Variants in STXBP6 observed in about 807,000 individuals in gnomAD.
The protein encoded by STXBP6 is syntaxin binding protein 6.
In STXBP6, 21 loss-of-function variants were observed where a neutral mutation model predicts 26.9. The ratio of observed to expected loss-of-function variants is 0.78; its 90% CI spans 0.55 to 1.12. The LOEUF (loss-of-function observed/expected upper bound fraction) is 1.12. Among genes scored for constraint, STXBP6 ranks in the 50% most tolerant of loss-of-function variants. The pLI, the probability that STXBP6 is intolerant of heterozygous loss-of-function variation, is 0.00. For missense variants in STXBP6, 232 were observed against 257.9 expected (o/e 0.90, Z 0.69); for synonymous variants, 97 against 92.6 (o/e 1.05, Z -0.27).
At chr14:25,048,339 A>G (rs117066378) in intron 1 of STXBP6, among the ~76,000 whole-genome samples, 1 of 152,242 alleles carries the variant, frequency 6.6e-6, no homozygotes, top group Non-Finnish European at 1.5e-5. Flanking sequence ...TCCGTTTGAC[A>G]GAAGAGAAAA....
chr14:24,965,316 T>A (rs1299673051), intron 2 of STXBP6, among the ~76,000 whole-genome samples: 1 of 152,096 alleles, frequency 6.6e-6, no homozygotes, highest in Non-Finnish European at 1.5e-5. Context: ...CTGTCATACA[T>A]ACATATTAAC....
At chr14:24,970,495 G>T (rs2073875423) in intron 2 of STXBP6, among the ~76,000 whole-genome samples, 1 of 151,842 alleles carries the variant, frequency 6.6e-6, no homozygotes, top group Non-Finnish European at 1.5e-5. Flanking sequence ...TGATGCTTCT[G>T]TCTGTTTTTT....
At chr14:24,883,995 TA>T (rs2070475779) in intron 2 of STXBP6, among the ~76,000 whole-genome samples, 1 of 152,176 alleles carries the variant, frequency 6.6e-6, no homozygotes, top group Non-Finnish European at 1.5e-5. Context: ...TCTTTAATAT[TA>T]AAACCCCTCT....
chr14:25,028,507 G>GAA (rs543911795), intron 1 of STXBP6, among the ~76,000 whole-genome samples: 6 of 143,754 alleles, frequency 4.2e-5, no homozygotes, highest in African/African-American at 1.5e-4. Flanking sequence ...TGACTGCTCA[G>GAA]AAAAAAAAAA....
At chr14:24,820,855 T>C (rs1045328433) in intron 4 of STXBP6, among the ~76,000 whole-genome samples, 2 of 152,200 alleles carry the variant, frequency 1.3e-5, no homozygotes, top group Non-Finnish European at 2.9e-5. Flanking sequence ...TCCCAGTGAC[T>C]TTTCCTTATT....
At chr14:25,019,868 G>GTTTTTTTTT (rs35017131) in intron 1 of STXBP6, among the ~76,000 whole-genome samples, 1 of 128,240 alleles carries the variant, frequency 7.8e-6, no homozygotes, top group Non-Finnish European at 1.6e-5. Context: ...AGTTTCGTGG[G>GTTTTTTTTT]TTTTTTTTTT....
rs895545483 is a variant in STXBP6, at chr14:24,961,889, C to A, written c.154+12776G>T. On this transcript the variant is annotated intron_variant, in intron 2 of 5. Transcript: ENST00000323944. ...CTGTGATATAATGTGAAATGTGAAT[C>A]ATTAATTAAATGTACCAACCTAGAA... 8.5e-5 allele frequency among the ~76,000 whole-genome samples: 13 copies of A among 152,268 alleles called. No individual in the cohort carries two copies. The South Asian group carries it at 2.5e-3, about 29-fold the overall frequency.
At chr14:24,815,554 G>C (rs904546684) in intron 5 of STXBP6, 1 of 151,770 alleles carries the variant, frequency 6.6e-6, no homozygotes, top group African/African-American at 2.4e-5. Flanking sequence ...TCCTTAGGTA[G>C]TAAGGATAGA....
rs1282357880 is a variant in STXBP6 at position 25,049,920 on chromosome 14, C to A, written c.-75G>T. The A allele has an allele frequency of 1.0e-6, 1 of 971,628 alleles. No homozygotes were observed. 60.2% of individuals were successfully genotyped at this position (971,628 alleles called of 1,614,324 possible). On this transcript the variant is annotated 5_prime_UTR_variant, in exon 1 of 6. Coordinates refer to ENST00000323944, the MANE Select transcript of STXBP6 (RefSeq NM_001394410.1). This position sits in a 1 kb window ranked among gnomAD's most constrained non-coding sequence, Gnocchi z 5.6. ...GCCCCTGCCGTGCCAGTGCGCGGCA[C>A]GCGTCCCAGAGCACGAGGCTCCTCC...
chr14:24,855,122 C>T (rs2069282062), intron 4 of STXBP6, among the ~76,000 whole-genome samples: 1 of 152,004 alleles, frequency 6.6e-6, no homozygotes, highest in African/African-American at 2.4e-5. Flanking sequence ...ATGGATTCTG[C>T]TGTATGTTCA....
At position 24,862,656 on chromosome 14, in the gene STXBP6, T is replaced by G. The variant is rs1031011883; in HGVS notation, c.155-5499A>C. Among the ~76,000 whole-genome samples the G allele has an allele frequency of 5.3e-5, 8 of 152,296 alleles. 2 individuals carry two copies. Among genetic ancestry groups the G allele is most frequent in the Admixed American group, 3.9e-4 (6 of 15,292 alleles). On this transcript the variant is annotated intron_variant, in intron 2 of 5. Transcript: ENST00000323944. ...CCAAAAGTGGAAGAAGAAGAGATAA[T>G]GGAAAGTCTAGGAAATTTCTCCAAA...
intron 1 of STXBP6, among the ~76,000 whole-genome samples, chr14:25,042,751 G>A (rs529442016): frequency 1.6e-4 from 24 of 152,272 alleles, no homozygotes; most frequent in African/African-American, 5.5e-4. Flanking sequence ...CCCCATCCCA[G>A]ACCTACTGAA....
Position 24,959,539 on chromosome 14 carries a change from A to T in STXBP6, c.154+15126T>A, listed in dbSNP as rs146754222. 3.1e-4 allele frequency among the ~76,000 whole-genome samples: 47 copies of T among 152,328 alleles called. No individual in the cohort carries two copies. In the East Asian group the frequency reaches 7.7e-3, roughly 25 times the overall value. On this transcript the variant is annotated intron_variant, in intron 2 of 5. Transcript: ENST00000323944. ...ACAGTTCCCAATTTCATGGAAAAGGAGTATTGTGACTTAACGTTTATCTTC... is the reference window on the plus strand; with the variant it reads ...ACAGTTCCCAATTTCATGGAAAAGGTGTATTGTGACTTAACGTTTATCTTC...
chr14:25,005,980 A>G (rs1395914851), intron 1 of STXBP6, among the ~76,000 whole-genome samples: 2 of 152,040 alleles, frequency 1.3e-5, no homozygotes, highest in Non-Finnish European at 2.9e-5. Context: ...GACTTTAGGG[A>G]TTTTGATCTT....
intron 2 of STXBP6, among the ~76,000 whole-genome samples, chr14:24,922,412 G>A (rs112273710): frequency 2.6e-5 from 4 of 152,014 alleles, no homozygotes; most frequent in East Asian, 1.9e-4. Flanking sequence ...CTCACCTAGC[G>A]GAATTATCAA....
intron 2 of STXBP6, among the ~76,000 whole-genome samples, chr14:24,965,575 T>C (rs1344974501): frequency 1.3e-5 from 2 of 152,114 alleles, no homozygotes; most frequent in Admixed American, 6.5e-5. Context: ...CTTCCACATA[T>C]CATGCATTAC....
intron 4 of STXBP6, among the ~76,000 whole-genome samples, chr14:24,845,206 G>A (rs528028347): frequency 5.6e-4 from 85 of 152,066 alleles, no homozygotes; most frequent in Middle Eastern, 3.4e-3. Flanking sequence ...TAGAGATGGG[G>A]TTTCACCGTG....
chr14:24,894,889 CTCT>C (rs1286074303), intron 2 of STXBP6, among the ~76,000 whole-genome samples: 1 of 48,924 alleles, frequency 2.0e-5, no homozygotes, highest in Non-Finnish European at 6.0e-5. Context: ...ATTTCTCTCT[CTCT>C]TTTTTTTTTT....
At chr14:24,843,298 A>C (rs1251042850) in intron 4 of STXBP6, among the ~76,000 whole-genome samples, 4 of 152,204 alleles carry the variant, frequency 2.6e-5, no homozygotes, top group Admixed American at 2.6e-4. Context: ...GAAAAATATA[A>C]ATACAAATAC....
Sources: gnomAD v4.1 joint callset for allele counts (sites outside exome capture counted in the v4.1 genomes callset) on GRCh38, gnomAD v4.1.1 for gene constraint, Gnocchi (gnomAD v3.1) non-coding constraint, MANE v1.5 for transcripts, NCBI Gene and HGNC (gene_info 2026-07-23, HGNC 2026-07-21) for gene names.